CCDC91: variants seen among roughly 807,000 people sequenced by gnomAD.
The protein encoded by CCDC91 is coiled-coil domain-containing protein 91.
Under a neutral mutation model 63.2 loss-of-function variants are expected in CCDC91, and 48 were observed. That is an observed-to-expected ratio of 0.76 (90% CI 0.60 to 0.97). CCDC91 has a LOEUF of 0.97. Ranked by LOEUF, CCDC91 falls within the 50% of genes least tolerant of loss-of-function variation. The pLI, the probability that CCDC91 is intolerant of heterozygous loss-of-function variation, is 0.00. For synonymous variants in CCDC91, 167 were observed against 165.8 expected (o/e 1.01, Z -0.06); for missense variants, 500 against 494.6 (o/e 1.01, Z -0.10).
intron 12 of CCDC91, among the ~76,000 whole-genome samples, chr12:28,527,846 CT>C (rs1211983879): frequency 1.3e-5 from 2 of 152,086 alleles, no homozygotes; most frequent in African/African-American, 4.8e-5. Context: ...ATGGCTGCCT[CT>C]GTTGTGTCAT....
At chr12:28,356,647 G>A (rs1345837506) in intron 6 of CCDC91, among the ~76,000 whole-genome samples, 1 of 152,156 alleles carries the variant, frequency 6.6e-6, no homozygotes, top group African/African-American at 2.4e-5. Flanking sequence ...TGGTGGTGAA[G>A]CCTATATTGG....
Position 28,376,928 on chromosome 12 carries a change from A to G in CCDC91, c.655-14376A>G, listed in dbSNP as rs545819663. ...TTGGAATTCCTGCTAACATGGTACA[A>G]TAGTGAGTGGAAAGCACTCAAGAAA... On this transcript the variant is annotated intron_variant, in intron 7 of 12. Coordinates refer to ENST00000536442, the MANE Select transcript of CCDC91 (RefSeq NM_018318.5). 1.8e-4 allele frequency among the ~76,000 whole-genome samples: 27 copies of G among 151,982 alleles called. No homozygotes were observed. The South Asian group carries it at 3.5e-3, about 20-fold the overall frequency.
intron 1 of CCDC91, among the ~76,000 whole-genome samples, chr12:28,221,046 G>T (rs527278030): frequency 6.6e-6 from 1 of 151,846 alleles, no homozygotes; most frequent in East Asian, 1.9e-4. Flanking sequence ...CTTTTTGGGG[G>T]CCTCCAGTTA....
chr12:28,444,231 T>C (rs1949380354), intron 8 of CCDC91, among the ~76,000 whole-genome samples: 1 of 152,194 alleles, frequency 6.6e-6, no homozygotes, highest in South Asian at 2.1e-4. Context: ...ATGGCATTCA[T>C]TTACAAAAAT....
At chr12:28,391,084 G>A (rs1214276401) in intron 7 of CCDC91, among the ~76,000 whole-genome samples, 5 of 151,776 alleles carry the variant, frequency 3.3e-5, no homozygotes, top group South Asian at 2.1e-4. Flanking sequence ...TGGAAGGAAC[G>A]TCTGAGCCAA....
At chr12:28,387,262 A>G (rs1435482966) in intron 7 of CCDC91, among the ~76,000 whole-genome samples, 4 of 152,208 alleles carry the variant, frequency 2.6e-5, no homozygotes, top group Admixed American at 6.5e-5. Flanking sequence ...ATGTTGAGCC[A>G]TAGGACCAAT....
chr12:28,439,899 C>T (rs1949097264), intron 8 of CCDC91, among the ~76,000 whole-genome samples: 1 of 150,912 alleles, frequency 6.6e-6, no homozygotes, highest in Admixed American at 6.6e-5. Context: ...AAGATTATCT[C>T]TGACACCTTT....
At chr12:28,390,726 T>C (rs1338223117) in intron 7 of CCDC91, among the ~76,000 whole-genome samples, 1 of 152,118 alleles carries the variant, frequency 6.6e-6, no homozygotes, top group Non-Finnish European at 1.5e-5. Context: ...TTACCTACTT[T>C]GACTTATACC....
chr12:28,339,387 C>T (rs1942250753), intron 6 of CCDC91, among the ~76,000 whole-genome samples: 1 of 152,052 alleles, frequency 6.6e-6, no homozygotes. Flanking sequence ...GCAGCTAGTA[C>T]ATGAACCTGG....
chr12:28,422,199 C>T (rs549783183), intron 8 of CCDC91, among the ~76,000 whole-genome samples: 1 of 152,058 alleles, frequency 6.6e-6, no homozygotes, highest in East Asian at 1.9e-4. Context: ...TCCAAAAGTA[C>T]CAAAATCAAT....
Position 28,433,661 on chromosome 12 carries a change from T to C in CCDC91, c.763-16500T>C, listed in dbSNP as rs143370153. ...TGTCAGTCCTCCAACTTTGTCCTTC[T>C]CTTTCAGTATTGTATTGGCTATTCT... On this transcript the variant is annotated intron_variant, in intron 8 of 12. Transcript: ENST00000536442. Among the ~76,000 whole-genome samples the C allele has an allele frequency of 3.4e-3, 517 of 152,104 alleles. 7 individuals are homozygous for C. Among genetic ancestry groups the C allele is most frequent in the African/African-American group, 0.012 (486 of 41,552 alleles).
chr12:28,431,500 C>T (rs904593003), intron 8 of CCDC91, among the ~76,000 whole-genome samples: 1 of 152,044 alleles, frequency 6.6e-6, no homozygotes, highest in Non-Finnish European at 1.5e-5. Context: ...ATTAATATAA[C>T]TATTTCAGTT....
intron 3 of CCDC91, among the ~76,000 whole-genome samples, chr12:28,262,943 A>T (rs538117775): frequency 6.6e-6 from 1 of 152,010 alleles, no homozygotes; most frequent in South Asian, 2.1e-4. Context: ...TCTCTGTTTC[A>T]TAGCCTAACC....
chr12:28,408,682 T>G (rs1947124447), intron 8 of CCDC91, among the ~76,000 whole-genome samples: 1 of 152,104 alleles, frequency 6.6e-6, no homozygotes, highest in Non-Finnish European at 1.5e-5. Flanking sequence ...TTGCTCTGTA[T>G]CCCAGGCTGG....
chr12:28,333,758 G>A (rs908975310), intron 6 of CCDC91, among the ~76,000 whole-genome samples: 11 of 152,234 alleles, frequency 7.2e-5, no homozygotes, highest in Admixed American at 5.2e-4. Flanking sequence ...TTTTTCAGTG[G>A]CGTTTCCATA....
At chr12:28,524,978 G>T (rs1373356194) in intron 12 of CCDC91, among the ~76,000 whole-genome samples, 4 of 152,004 alleles carry the variant, frequency 2.6e-5, no homozygotes, top group Non-Finnish European at 5.9e-5. Flanking sequence ...TTAGTTGGAT[G>T]TTCTCTCTTC....
chr12:28,203,806 C>T (rs1240350130), intron 1 of CCDC91, among the ~76,000 whole-genome samples: 1 of 152,078 alleles, frequency 6.6e-6, no homozygotes. Flanking sequence ...TAATTTGAGT[C>T]AGTTTTGAAT....
chr12:28,380,706 TG>T (rs1308527093), intron 7 of CCDC91, among the ~76,000 whole-genome samples: 2 of 152,146 alleles, frequency 1.3e-5, no homozygotes, highest in African/African-American at 4.8e-5. Context: ...GTAATAATGC[TG>T]GAGGACTGAT....
chr12:28,479,085 G>A (rs1362640828), intron 11 of CCDC91, among the ~76,000 whole-genome samples: 1 of 152,034 alleles, frequency 6.6e-6, no homozygotes, highest in Non-Finnish European at 1.5e-5. Context: ...ACTAGAAATA[G>A]CATTTGACCC....
Sources: allele counts gnomAD v4.1 joint callset (sites outside exome capture counted in the v4.1 genomes callset), GRCh38; gene constraint gnomAD v4.1.1; transcripts MANE v1.5; gene names NCBI Gene and HGNC (gene_info 2026-07-23, HGNC 2026-07-21).